SYDE2: variants seen among roughly 807,000 people sequenced by gnomAD.
The protein encoded by SYDE2 is synapse defective Rho GTPase homolog 2, also known as rho GTPase-activating protein SYDE2.
A neutral mutation model predicts 91.5 loss-of-function variants in SYDE2; 76 were observed. The observed-to-expected ratio is 0.83, with a 90% CI of 0.69 to 1.01. SYDE2 has a LOEUF of 1.01. SYDE2 is among the 50% of genes least tolerant of loss of function. The pLI is 0.00. For missense variants in SYDE2, 1,364 were observed against 1,367.7 expected (o/e 1.00, Z 0.04); for synonymous variants, 513 against 506.4 (o/e 1.01, Z -0.18).
intron 6 of SYDE2, chr1:85,160,191 T>C (rs1181882130): frequency 1.0e-6 from 1 of 984,526 alleles, no homozygotes; most frequent in Non-Finnish European, 1.2e-6. Flanking sequence ...TAAAGCAACA[T>C]AAATCAGTGA....
chr1:85,185,365 C>T (rs1658092811), intron 2 of SYDE2, among the ~76,000 whole-genome samples: 1 of 151,278 alleles, frequency 6.6e-6, no homozygotes, highest in African/African-American at 2.4e-5. Context: ...GTCTGTTAGT[C>T]TTTCCAGGTT....
chr1:85,192,921 C>G (rs1392173182), intron 1 of SYDE2, among the ~76,000 whole-genome samples: 1 of 152,178 alleles, frequency 6.6e-6, no homozygotes, highest in Non-Finnish European at 1.5e-5. Flanking sequence ...CCCAATTTAT[C>G]TTATAAATTA....
At position 85,158,802 on chromosome 1, in the gene SYDE2, A is replaced by G. The variant is rs758915871; in HGVS notation, c.3533T>C (p.Ile1178Thr). ...KDLQESIDTL[I>T]GNLERELNKN... ...GTTGAGCTCACGTTCCAGATTTCCA[A>G]TCAAAGTATCAATACTTTCTTGTAG... Residue 1178 changes from isoleucine (I) to threonine (T), a missense_variant, in exon 7 of 7, where the codon ATT becomes ACT. Coordinates refer to ENST00000341460, the MANE Select transcript of SYDE2 (RefSeq NM_032184.2). 2.0e-5 allele frequency: 15 copies of G among 764,976 alleles called. No homozygotes were observed. The highest frequency in any genetic ancestry group is 1.7e-4 in the African/African-American group (10 of 58,324). 47.4% of individuals were successfully genotyped at this position (764,976 alleles called of 1,614,324 possible). A position where few individuals can be genotyped will look rare whatever the true frequency, so the allele number is the denominator to read the frequency against.
intron 5 of SYDE2, among the ~76,000 whole-genome samples, chr1:85,167,009 G>A (rs767573064): frequency 3.9e-5 from 6 of 152,152 alleles, no homozygotes; most frequent in East Asian, 1.9e-4. Flanking sequence ...TCAGGAGTTC[G>A]AGACTAGCCT....
At chr1:85,165,197 G>C (rs1009440061) in intron 5 of SYDE2, among the ~76,000 whole-genome samples, 3 of 152,072 alleles carry the variant, frequency 2.0e-5, no homozygotes, top group African/African-American at 7.2e-5. Context: ...CTATACCCCT[G>C]CACTCCAGCC....
rs867555242 is a variant in SYDE2 at position 85,178,203 on chromosome 1, C to A, written c.2614G>T (p.Asp872Tyr). 1 of 1,587,402 alleles carries A rather than the reference C, an allele frequency of 6.3e-7. No individual in the cohort carries two copies. Among genetic ancestry groups the A allele is most frequent in the East Asian group, 2.3e-5 (1 of 43,896 alleles). ...TCACACAGACCAACAGCTTTGCTAT[C>A]TCTCTCAAAAGCCTCTCGCAGTTCT... ...KKELREAFER[D>Y]SKAVGLCENQ... Residue 872 changes from aspartate (D) to tyrosine (Y), a missense_variant, in exon 4 of 7, where the codon GAT becomes TAT. Asp to Tyr is a radical substitution (Grantham distance 160, BLOSUM62 -3). Transcript: ENST00000341460.
intron 2 of SYDE2, among the ~76,000 whole-genome samples, chr1:85,186,078 G>C (rs1422843807): frequency 2.0e-5 from 3 of 151,786 alleles, no homozygotes; most frequent in African/African-American, 7.2e-5. Flanking sequence ...CTTTGGTTCT[G>C]TTTATATGCT....
chr1:85,187,429 T>C (rs1297063401), intron 2 of SYDE2, among the ~76,000 whole-genome samples: 2 of 152,070 alleles, frequency 1.3e-5, no homozygotes, highest in Admixed American at 1.3e-4. Context: ...GACTGTAAAC[T>C]AGTTCAACCA....
At chr1:85,172,994 T>C (rs1570243661) in intron 4 of SYDE2, among the ~76,000 whole-genome samples, 1 of 152,064 alleles carries the variant, frequency 6.6e-6, no homozygotes, top group East Asian at 1.9e-4. Flanking sequence ...GCAGCCAGAG[T>C]GGAAAACTTC....
chr1:85,165,914 C>A (rs976909259), intron 5 of SYDE2, among the ~76,000 whole-genome samples: 2 of 134,418 alleles, frequency 1.5e-5, no homozygotes, highest in Non-Finnish European at 1.5e-5. Context: ...CACTCTGTTG[C>A]CGAGGCTGGA....
intron 4 of SYDE2, among the ~76,000 whole-genome samples, chr1:85,174,114 T>C (rs1050206079): frequency 6.6e-6 from 1 of 152,170 alleles, no homozygotes; most frequent in Non-Finnish European, 1.5e-5. Flanking sequence ...ACATGCTTAA[T>C]TGTAATCTTC....
chr1:85,181,097 A>G (rs1657898464), intron 3 of SYDE2: 1 of 147,740 alleles, frequency 6.8e-6, no homozygotes, highest in African/African-American at 2.5e-5. Context: ...GGAAGTTTCA[A>G]TAGTTGAGAT....
intron 3 of SYDE2, among the ~76,000 whole-genome samples, chr1:85,179,425 G>A (rs1390558132): frequency 6.6e-6 from 1 of 152,090 alleles, no homozygotes; most frequent in African/African-American, 2.4e-5. Context: ...AATAGATACA[G>A]GGAAATATTA....
At chr1:85,166,088 C>G (rs1657261860) in intron 5 of SYDE2, among the ~76,000 whole-genome samples, 1 of 151,852 alleles carries the variant, frequency 6.6e-6, no homozygotes, top group Non-Finnish European at 1.5e-5. Context: ...TGCCTGTAAT[C>G]CCAGCACTTT....
downstream of SYDE2, among the ~76,000 whole-genome samples, chr1:85,155,540 T>C (rs534902327): frequency 6.6e-6 from 1 of 152,256 alleles, no homozygotes; most frequent in South Asian, 2.1e-4. Context: ...CATTAAAGTA[T>C]GCAAAAGCCA....
chr1:85,194,777 G>C, intron 1 of SYDE2: 1 of 957,786 alleles, frequency 1.0e-6, no homozygotes, highest in Non-Finnish European at 1.2e-6. Context: ...AATAAATCTA[G>C]ATTACTTACT....
intron 5 of SYDE2, among the ~76,000 whole-genome samples, chr1:85,166,354 T>C (rs1657277178): frequency 6.6e-6 from 1 of 150,378 alleles, no homozygotes; most frequent in African/African-American, 2.4e-5. Context: ...AAAAAAAAAT[T>C]TTTTTTTTTT....
chr1:85,159,309 A>C (rs1350167715), intron 6 of SYDE2, 60 bp from the exon 7 acceptor site: 6 of 733,666 alleles, frequency 8.2e-6, no homozygotes, highest in Non-Finnish European at 1.5e-5. Context: ...TAAAAAAAAA[A>C]CAGAGCTAAA....
rs1411917313 is a variant in SYDE2, at chr1:85,158,631, TA to T, written c.*118del. The T allele has an allele frequency of 6.3e-5, 35 of 559,872 alleles. No homozygotes were observed. In the Middle Eastern group the frequency reaches 1.9e-3, roughly 30 times the overall value. 34.7% of individuals were successfully genotyped at this position (559,872 alleles called of 1,614,324 possible). A position where few individuals can be genotyped will look rare whatever the true frequency, so the allele number is the denominator to read the frequency against. On this transcript the variant is annotated 3_prime_UTR_variant, in exon 7 of 7. Coordinates refer to ENST00000341460, the MANE Select transcript of SYDE2 (RefSeq NM_032184.2). Reference sequence around the variant, plus strand: ...TTTTAATTGAATCAGATAAACTTATTAAAAATTAATTAAAGATTTCAAGAGT... The same window carrying T: ...TTTTAATTGAATCAGATAAACTTATTAAAATTAATTAAAGATTTCAAGAGT...
Sources: allele counts gnomAD v4.1 joint callset (sites outside exome capture counted in the v4.1 genomes callset), GRCh38; gene constraint gnomAD v4.1.1; transcripts MANE v1.5; gene names NCBI Gene and HGNC (gene_info 2026-07-23, HGNC 2026-07-21).